AACS: variants seen among roughly 807,000 people sequenced by gnomAD.
The protein encoded by AACS is acetoacetate-CoA ligase.
Under a neutral mutation model 83.1 loss-of-function variants are expected in AACS, and 69 were observed. The ratio of observed to expected loss-of-function variants is 0.83; its 90% CI spans 0.68 to 1.01. The LOEUF is 1.01. AACS is among the 50% of genes least tolerant of loss of function. The probability of loss-of-function intolerance (pLI) is 0.00; values close to 1 mark genes in which losing one functional copy is unlikely to be tolerated. For missense variants in AACS, 866 were observed against 882.2 expected (o/e 0.98, Z 0.23); for synonymous variants, 333 against 343.4 (o/e 0.97, Z 0.33).
At chr12:125,134,642 G>A (rs753595856) in intron 15 of AACS, 152 bp from the exon 16 acceptor site, 15 of 758,414 alleles carry the variant, frequency 2.0e-5, no homozygotes, top group Non-Finnish European at 3.1e-5. Flanking sequence ...AAAGAGCCGG[G>A]TGGTAGGGCA....
In AACS at chr12:125,136,877, C is replaced by CGG; in HGVS notation, c.1881+13_1881+14insGG. ...CAAGGGCATCCCGGTATGGCCATCT[C>CGG]CCGCCAGCGAGGAGACCGCAGCCAT... is the stretch of plus-strand genomic sequence containing the variant. On this transcript the variant is annotated intron_variant, in intron 17 of 17. Transcript: ENST00000316519. 1.2e-6 allele frequency: 2 copies of CGG among 1,610,952 alleles called. No individual in the cohort carries two copies. Among genetic ancestry groups the CGG allele is most frequent in the Non-Finnish European group, 1.7e-6 (2 of 1,179,466 alleles).
intron 7 of AACS, among the ~76,000 whole-genome samples, chr12:125,103,847 G>T (rs1182233471): frequency 6.6e-6 from 1 of 151,742 alleles, no homozygotes; most frequent in Non-Finnish European, 1.5e-5. Flanking sequence ...AATTAGCCAG[G>T]TGTGGTGGCG....
intron 7 of AACS, chr12:125,105,400 C>T (rs1253837491): frequency 6.6e-6 from 1 of 152,136 alleles, no homozygotes; most frequent in East Asian, 1.9e-4. Flanking sequence ...GACTGTGGGA[C>T]CCTGCCGACC....
At chr12:125,070,189 C>T (rs1328998403) in intron 1 of AACS, among the ~76,000 whole-genome samples, 3 of 152,156 alleles carry the variant, frequency 2.0e-5, no homozygotes, top group Admixed American at 6.5e-5. Flanking sequence ...CAAGCGGTTG[C>T]GGTTCTCCTG....
chr12:125,067,785 C>T (rs542289897), intron 1 of AACS, among the ~76,000 whole-genome samples: 4 of 152,244 alleles, frequency 2.6e-5, no homozygotes, highest in East Asian at 3.9e-4. Flanking sequence ...CCACCTGCCT[C>T]GGCCTCCCAA....
chr12:125,095,054 G>A (rs1487569673), intron 5 of AACS, among the ~76,000 whole-genome samples: 4 of 150,994 alleles, frequency 2.6e-5, no homozygotes, highest in East Asian at 1.9e-4. Flanking sequence ...AGCCATTCTC[G>A]CTCGCTCTGG....
Position 125,130,389 on chromosome 12 carries a change from GC to G in AACS, c.1549+930del, listed in dbSNP as rs1223254757. Among the ~76,000 whole-genome samples, 2 of 152,268 alleles carry G rather than the reference GC, an allele frequency of 1.3e-5. No individual in the cohort carries two copies. The highest frequency in any genetic ancestry group is 2.9e-5 in the Non-Finnish European group (2 of 68,050). On this transcript the variant is annotated intron_variant, in intron 14 of 17. Transcript: ENST00000316519. The surrounding 1 kb of genome is among the most constrained non-coding windows in gnomAD (Gnocchi z 4.9). ...CTTGGCTCCTGCCGTGAGCAGCTGT[GC>G]AGACAGACGAATGCAGAAAAGCAAG...
chr12:125,087,576 C>T lies in AACS; in HGVS notation c.472+1133C>T, dbSNP rs141700488. Among the ~76,000 whole-genome samples the T allele has an allele frequency of 5.6e-3, 859 of 152,314 alleles. 12 individuals carry two copies. Among genetic ancestry groups the T allele is most frequent in the African/African-American group, 0.02 (817 of 41,574 alleles). ...TCCCCTCCATGTCATCGGACAAGGA[C>T]CACAGGGGGCGGGTGGCAGGAAAAG... On this transcript the variant is annotated intron_variant, in intron 4 of 17. Transcript: ENST00000316519.
At chr12:125,114,371 TG>T in intron 8 of AACS, 105 bp from the exon 9 acceptor site, 2 of 839,420 alleles carry the variant, frequency 2.4e-6, no homozygotes, top group Non-Finnish European at 1.8e-6. Flanking sequence ...GGGGATCTGC[TG>T]GGGCTTCTTC....
intron 10 of AACS, chr12:125,123,439 G>A (rs1957189601): frequency 6.6e-6 from 1 of 152,276 alleles, no homozygotes; most frequent in Non-Finnish European, 1.5e-5. Context: ...CAAAACTCCA[G>A]CCATCTCTAG....
chr12:125,074,665 T>TC (rs1005147875), intron 2 of AACS, among the ~76,000 whole-genome samples: 1 of 145,096 alleles, frequency 6.9e-6, no homozygotes, highest in African/African-American at 2.6e-5. Context: ...TTGTAGTTTT[T>TC]TTTTTTTTTT....
intron 1 of AACS, 119 bp from the exon 2 acceptor site, chr12:125,073,757 T>TTC (rs1955941575): frequency 6.8e-6 from 5 of 739,564 alleles, no homozygotes; most frequent in Non-Finnish European, 6.7e-6. Context: ...CCCAGACCAT[T>TTC]TCTCCTCAGA....
Position 125,136,733 on chromosome 12 carries a change from A to T in AACS, c.1750A>T (p.Ile584Phe). Reference sequence around the variant, plus strand: ...TAACAAGTACAGGGAGGAGAGGGTGATCCTCTTCCTGAAGATGGCCTCCGG... The same window carrying T: ...TAACAAGTACAGGGAGGAGAGGGTGTTCCTCTTCCTGAAGATGGCCTCCGG... Reference protein sequence around the residue: ...QYNKYREERVILFLKMASGHA... With the variant: ...QYNKYREERVFLFLKMASGHA... The change falls in exon 17 of 18, where the codon ATC becomes TTC. Residue 584 changes from isoleucine to phenylalanine, a missense_variant. Physicochemically the swap from Ile to Phe is conservative, Grantham distance 21. Transcript: ENST00000316519. 1 of 1,614,054 alleles carries T rather than the reference A, an allele frequency of 6.2e-7. No homozygotes were observed. The highest frequency in any genetic ancestry group is 8.5e-7 in the Non-Finnish European group (1 of 1,180,010).
At chr12:125,134,942 C>T in intron 16 of AACS, 90 bp downstream of exon 16, 1 of 1,441,498 alleles carries the variant, frequency 6.9e-7, no homozygotes, top group South Asian at 1.2e-5. Context: ...TTTGGCACAA[C>T]TCTGGCCCCT....
intron 12 of AACS, 58 bp downstream of exon 12, chr12:125,125,082 A>C: frequency 6.2e-7 from 1 of 1,609,930 alleles, no homozygotes; most frequent in Non-Finnish European, 8.5e-7. Context: ...ATAAGTATGC[A>C]CACCTCTGCC....
chr12:125,120,973 T>C (rs898875091), intron 10 of AACS: 3 of 152,306 alleles, frequency 2.0e-5, no homozygotes, highest in African/African-American at 7.2e-5. Flanking sequence ...TGTGGATGCA[T>C]GTGTGCCTTG....
In AACS at chr12:125,124,689, C is replaced by A; in HGVS notation, c.1122-16C>A. 7 of 1,613,194 alleles carry A rather than the reference C, an allele frequency of 4.3e-6. No individual in the cohort carries two copies. The highest frequency in any genetic ancestry group is 5.9e-6 in the Non-Finnish European group (7 of 1,179,916). On this transcript the variant is annotated splice_polypyrimidine_tract_variant and intron_variant, in intron 10 of 17. Coordinates refer to ENST00000316519, the MANE Select transcript of AACS (RefSeq NM_023928.5). ...TTGAAGAGTTTCTGGTGTTTTCTTT[C>A]CCGCCTGCACCCTAGCATCACTGTC...
intron 4 of AACS, among the ~76,000 whole-genome samples, chr12:125,089,219 G>A (rs975749079): frequency 2.6e-5 from 4 of 152,334 alleles, no homozygotes; most frequent in South Asian, 2.1e-4. Context: ...TCTGCCGGAT[G>A]TGGGTGGAAC....
Position 125,085,174 on chromosome 12 carries a change from A to G in AACS, c.359-1156A>G, listed in dbSNP as rs185286359. ...CCTATATCTCAATTGTGGTGGTTGC[A>G]GGAAATTCCGTAAGGTGGCAGAGAA... On this transcript the variant is annotated intron_variant, in intron 3 of 17. Coordinates refer to ENST00000316519, the MANE Select transcript of AACS (RefSeq NM_023928.5). Among the ~76,000 whole-genome samples the G allele has an allele frequency of 9.8e-5, 15 of 152,378 alleles. No homozygotes were observed. The East Asian group carries it at 2.3e-3, about 23-fold the overall frequency.
Sources: allele counts gnomAD v4.1 joint callset (sites outside exome capture counted in the v4.1 genomes callset), GRCh38; gene constraint gnomAD v4.1.1; non-coding constraint Gnocchi (gnomAD v3.1); transcripts MANE v1.5; gene names NCBI Gene and HGNC (gene_info 2026-07-23, HGNC 2026-07-21).